Variants in DNAH2 observed in about 807,000 individuals in gnomAD.
The protein encoded by DNAH2 is axonemal beta dynein heavy chain 2.
Under a neutral mutation model 523.5 loss-of-function variants are expected in DNAH2, and 323 were observed. The ratio of observed to expected loss-of-function variants is 0.62; its 90% CI spans 0.56 to 0.68. The LOEUF is 0.68. DNAH2 is among the 30% of genes least tolerant of loss of function. DNAH2 has a pLI of 0.00. For missense variants in DNAH2, 4,907 were observed against 5,701.5 expected (o/e 0.86, Z 4.49); for synonymous variants, 2,093 against 2,177.4 (o/e 0.96, Z 1.08).
intron 3 of DNAH2, among the ~76,000 whole-genome samples, chr17:7,724,779 G>A (rs1438094463): frequency 1.6e-5 from 2 of 125,946 alleles, no homozygotes; most frequent in Admixed American, 1.1e-4. Flanking sequence ...TCTTGCTTCC[G>A]TCGAGCAGGC....
Position 7,823,636 on chromosome 17 carries a change from G to A in DNAH2, c.11329+8G>A. 6.2e-7 allele frequency: 1 copy of A among 1,613,058 alleles called. No homozygotes were observed. The highest frequency in any genetic ancestry group is 8.5e-7 in the Non-Finnish European group (1 of 1,179,582). On this transcript the variant is annotated splice_region_variant and intron_variant, in intron 74 of 85. Transcript: ENST00000572933. ...AGAAGGCGATGCTGCCAGGTACCAG[G>A]CGTCTGTGTCCCACTCTCACTTTTC...
intron 63 of DNAH2, among the ~76,000 whole-genome samples, chr17:7,812,454 C>T (rs12150544): frequency 0.024 from 3,650 of 151,660 alleles, 50 homozygotes; most frequent in Middle Eastern, 0.078. Flanking sequence ...TTTGTGTCCA[C>T]AAAATATAAA....
chr17:7,771,883 A>T (rs2151224047), intron 28 of DNAH2, among the ~76,000 whole-genome samples: 1 of 152,034 alleles, frequency 6.6e-6, no homozygotes, highest in East Asian at 1.9e-4. Flanking sequence ...CCTCTGGCTA[A>T]TTTTTTTATT....
rs1177453988 is a variant in DNAH2 at position 7,802,027 on chromosome 17, G to T, written c.8972+10G>T. 5.6e-6 allele frequency: 9 copies of T among 1,613,634 alleles called. No individual in the cohort carries two copies. In the South Asian group the frequency reaches 7.7e-5, roughly 14 times the overall value. On this transcript the variant is annotated intron_variant, in intron 58 of 85. Coordinates refer to ENST00000572933, the MANE Select transcript of DNAH2 (RefSeq NM_020877.5). ...TGTCTGGATATAAGAAGTATGAAGG[G>T]GGGCAGGGGATGTGCAGGGCCAGGG...
rs751362834 is a variant in DNAH2, at chr17:7,758,548, G to A, written c.2105G>A (p.Arg702Gln). Residue 702 changes from arginine (R) to glutamine (Q), a missense_variant, in exon 14 of 86, where the codon CGG (arginine) becomes CAG (glutamine). Physicochemically the swap from Arg to Gln is conservative, Grantham distance 43. Coordinates refer to ENST00000572933, the MANE Select transcript of DNAH2 (RefSeq NM_020877.5). ...DEQALFKERI[R>Q]LLDKKIHPGL... is the part of the protein sequence containing the mutation. ...CAGGCCCTATTCAAAGAGCGTATTC[G>A]GCTCCTGGATAAGAAGATCCACCCG... is the stretch of plus-strand genomic sequence containing the variant. 1.2e-5 allele frequency: 20 copies of A among 1,614,116 alleles called. No individual in the cohort carries two copies. Among genetic ancestry groups the A allele is most frequent in the South Asian group, 3.3e-5 (3 of 91,082 alleles).
Position 7,831,018 on chromosome 17 carries a change from G to T in DNAH2, c.12231-68G>T, listed in dbSNP as rs1597799525. ...GGACAAATTGGACATGCATAGGTTTGGGGTCTTGGCCTGGCATTGAGGGCT... is the reference window on the plus strand; with the variant it reads ...GGACAAATTGGACATGCATAGGTTTTGGGTCTTGGCCTGGCATTGAGGGCT... On this transcript the variant is annotated intron_variant, in intron 79 of 85. Transcript: ENST00000572933. This position sits in a 1 kb window ranked among gnomAD's most constrained non-coding sequence, Gnocchi z 4.2. The T allele has an allele frequency of 6.5e-7, 1 of 1,541,674 alleles. No individual in the cohort carries two copies. Among genetic ancestry groups the T allele is most frequent in the Non-Finnish European group, 8.9e-7 (1 of 1,127,904 alleles).
At chr17:7,743,371 C>T in intron 12 of DNAH2, 1 of 708,602 alleles carries the variant, frequency 1.4e-6, no homozygotes, top group Non-Finnish European at 2.6e-6. Flanking sequence ...CACAACAAAA[C>T]AAAACAATGA....
In DNAH2 at chr17:7,787,900, C is replaced by T; in HGVS notation, c.6644C>T (p.Ser2215Phe). ...LFEVEDLAMA[S>F]PATVSRCGMV... Reference sequence around the variant, plus strand: ...GAAGTGGAGGACCTGGCAATGGCCTCTCCGGCCACTGTATCCCGCTGCGGG... The same window carrying T: ...GAAGTGGAGGACCTGGCAATGGCCTTTCCGGCCACTGTATCCCGCTGCGGG... The change falls in exon 43 of 86, where the codon TCT becomes TTT. Residue 2215 changes from serine to phenylalanine, a missense_variant. Ser to Phe is a radical substitution (Grantham distance 155). Transcript: ENST00000572933. 2 of 1,614,160 alleles carry T rather than the reference C, an allele frequency of 1.2e-6. No individual in the cohort carries two copies. The highest frequency in any genetic ancestry group is 1.1e-5 in the South Asian group (1 of 91,072).
rs746019740 is a variant in DNAH2 at position 7,804,999 on chromosome 17, C to G, written c.9225C>G (p.Ile3075Met). Residue 3075 changes from isoleucine to methionine, a missense_variant, in exon 60 of 86, where the codon ATC (isoleucine) becomes ATG (methionine). Physicochemically the swap from Ile to Met is conservative, Grantham distance 10. Around this residue, in one of 3 missense-constraint regions of DNAH2, gnomAD observed 1,851 missense variants for 2,139.4 expected, o/e 0.87. Coordinates refer to ENST00000572933, the MANE Select transcript of DNAH2 (RefSeq NM_020877.5). ...ANSEKIAVEE[I>M]KCQALADNAQ... ...GTGAAAAGATTGCAGTTGAGGAAAT[C>G]AAGTGTCAGGCACTGGCTGACAATG... 1 of 1,614,178 alleles carries G rather than the reference C, an allele frequency of 6.2e-7. No homozygotes were observed. The highest frequency in any genetic ancestry group is 8.5e-7 in the Non-Finnish European group (1 of 1,180,030).
At chr17:7,824,087 C>T in intron 75 of DNAH2, 34 bp from the exon 76 acceptor site, 14 of 1,568,436 alleles carry the variant, frequency 8.9e-6, no homozygotes, top group Non-Finnish European at 1.1e-5. Context: ...GTCATGTGGC[C>T]TTCTGCCTGA....
At chr17:7,818,167 C>G in intron 68 of DNAH2, 71 bp downstream of exon 68, 2 of 1,599,990 alleles carry the variant, frequency 1.3e-6, no homozygotes, top group East Asian at 2.2e-5. Context: ...TGACTGTGTC[C>G]TCTTCTTACC....
chr17:7,831,252 T>C lies in DNAH2; in HGVS notation c.12397T>C (p.Leu4133=). ...TGAGGCACAAACCCTCTTTGATACT[T>C]TGCTTTCCTTGCAACCTCAGATTAC... ...ITEAQTLFDT[L]LSLQPQITPT... The change falls in exon 80 of 86, where the codon TTG becomes CTG. Residue 4133 remains leucine (L), a synonymous_variant. Coordinates refer to ENST00000572933, the MANE Select transcript of DNAH2 (RefSeq NM_020877.5). The surrounding 1 kb of genome is among the most constrained non-coding windows in gnomAD (Gnocchi z 4.2). 6.2e-7 allele frequency: 1 copy of C among 1,614,128 alleles called. No homozygotes were observed. Among genetic ancestry groups the C allele is most frequent in the South Asian group, 1.1e-5 (1 of 91,082 alleles).
intron 56 of DNAH2, among the ~76,000 whole-genome samples, chr17:7,799,618 C>T (rs78416854): frequency 0.023 from 3,564 of 152,162 alleles, 137 homozygotes; most frequent in South Asian, 0.12. Flanking sequence ...AGATCGAGAC[C>T]ATGCCGGCTA....
chr17:7,793,259 C>T, intron 48 of DNAH2, 54 bp downstream of exon 48: 1 of 1,569,184 alleles, frequency 6.4e-7, no homozygotes. Flanking sequence ...GGGATAGGCT[C>T]AGTCCCCACT....
rs139582612 is a variant in DNAH2, at chr17:7,742,832, A to G, written c.1690-96A>G. ...CAAGCCTTATGCATATTGTTGGGGT[A>G]TGTGCGCATGCGCGCATGTGTAGGT... On this transcript the variant is annotated intron_variant, in intron 11 of 85. Transcript: ENST00000572933. 3.9e-6 allele frequency: 3 copies of G among 772,988 alleles called. No homozygotes were observed. The East Asian group carries it at 9.7e-5, about 25-fold the overall frequency. The allele number at this position is 772,988 out of a possible 1,614,324, so 47.9% of individuals were successfully genotyped here.
chr17:7,786,447 C>T lies in DNAH2; in HGVS notation c.6348+105C>T. On this transcript the variant is annotated intron_variant, in intron 40 of 85. Coordinates refer to ENST00000572933, the MANE Select transcript of DNAH2 (RefSeq NM_020877.5). The surrounding 1 kb of genome is among the most constrained non-coding windows in gnomAD (Gnocchi z 7.5). Reference sequence around the variant, plus strand: ...CCTTGCAAGGCCGGGAGAGCTGTACCTGGGACCATGGTGGCCTGGAGCGAT... The same window carrying T: ...CCTTGCAAGGCCGGGAGAGCTGTACTTGGGACCATGGTGGCCTGGAGCGAT... 1 of 1,482,934 alleles carries T rather than the reference C, an allele frequency of 6.7e-7. No individual in the cohort carries two copies. The highest frequency in any genetic ancestry group is 9.2e-7 in the Non-Finnish European group (1 of 1,086,552). 91.9% of individuals were successfully genotyped at this position (1,482,934 alleles called of 1,614,324 possible).
chr17:7,802,669 A>AT (rs544716039), intron 58 of DNAH2, among the ~76,000 whole-genome samples: 158 of 146,038 alleles, frequency 1.1e-3, no homozygotes, highest in Middle Eastern at 3.6e-3. Flanking sequence ...TTTTTTTGCA[A>AT]TTTTTTTTTT....
intron 72 of DNAH2, 31 bp downstream of exon 72, chr17:7,819,439 CG>C: frequency 6.2e-7 from 1 of 1,612,972 alleles, no homozygotes; most frequent in Non-Finnish European, 8.5e-7. Context: ...TGCCCCAGCC[CG>C]GAGGCCGAGT....
At position 7,780,861 on chromosome 17, in the gene DNAH2, C is replaced by T; in HGVS notation, c.6003+79C>T. 6.3e-7 allele frequency: 1 copy of T among 1,599,918 alleles called. No homozygotes were observed. Among genetic ancestry groups the T allele is most frequent in the Middle Eastern group, 2.0e-4 (1 of 5,012 alleles). On this transcript the variant is annotated intron_variant, in intron 38 of 85. Coordinates refer to ENST00000572933, the MANE Select transcript of DNAH2 (RefSeq NM_020877.5). This position sits in a 1 kb window ranked among gnomAD's most constrained non-coding sequence, Gnocchi z 4.4. ...TCACTTCTCTCAAGTCTTTCAGACC[C>T]TTTCTTTCCTCAGATTGGGATTCTC...
Sources: allele counts gnomAD v4.1 joint callset (sites outside exome capture counted in the v4.1 genomes callset), GRCh38; gene constraint gnomAD v4.1.1; regional missense constraint gnomAD v4.1.1; non-coding constraint Gnocchi (gnomAD v3.1); transcripts MANE v1.5; gene names NCBI Gene and HGNC (gene_info 2026-07-23, HGNC 2026-07-21).